Variants in NPTX1 observed in about 807,000 individuals in gnomAD.
NPTX1 encodes neuronal pentraxin 1.
A neutral mutation model predicts 38.7 loss-of-function variants in NPTX1; 12 were observed. The observed-to-expected ratio is 0.31, with a 90% CI of 0.20 to 0.50. The LOEUF is 0.50. Among genes scored for constraint, NPTX1 ranks in the 20% least tolerant of loss-of-function variants. The probability of loss-of-function intolerance (pLI) is 0.98; values close to 1 mark genes in which losing one functional copy is unlikely to be tolerated. For synonymous variants in NPTX1, 272 were observed against 264.9 expected (o/e 1.03, Z -0.26); for missense variants, 454 against 592.2 (o/e 0.77, Z 2.42).
chr17:80,476,333 G>A lies in NPTX1; in HGVS notation c.114C>T (p.Asp38=). ...CCACGGACGCGGCGCACATGTCGGC[G>A]TCCACGGGCACCGAGGTGCAGATGA... ...TRFICTSVPV[D]ADMCAASVAA... Residue 38 remains aspartate, a synonymous_variant, in exon 1 of 5, where the codon GAC becomes GAT. Transcript: ENST00000306773. The surrounding 1 kb of genome is among the most constrained non-coding windows in gnomAD (Gnocchi z 6.3). 9.1e-6 allele frequency: 14 copies of A among 1,541,132 alleles called. No individual in the cohort carries two copies. The highest frequency in any genetic ancestry group is 1.2e-5 in the Non-Finnish European group (14 of 1,149,840).
rs142815282 is a variant in NPTX1 at position 80,467,124 on chromosome 17, TG to T, written c.*3688del. The T allele has an allele frequency of 7.9e-6, 1 of 127,218 alleles. No homozygotes were observed. Among genetic ancestry groups the T allele is most frequent in the South Asian group, 2.6e-4 (1 of 3,894 alleles). 7.9% of individuals were successfully genotyped at this position (127,218 alleles called of 1,614,324 possible). The stretch of plus-strand genomic sequence containing the variant: ...ATAACAATATCAACCATAGGGGGTT[TG>T]CTTTTTTTTTTTTTTTTTTTTTGGC... On this transcript the variant is annotated 3_prime_UTR_variant, in exon 5 of 5. Coordinates refer to ENST00000306773, the MANE Select transcript of NPTX1 (RefSeq NM_002522.4).
Position 80,475,089 on chromosome 17 carries a change from G to A in NPTX1, c.652+422C>T, listed in dbSNP as rs992407939. Reference sequence around the variant, plus strand: ...CCTCAGCGGCCCGGGGAACGAGAGCGCCCAGCCCCAGCCTGCACCCAGCTG... The same window carrying A: ...CCTCAGCGGCCCGGGGAACGAGAGCACCCAGCCCCAGCCTGCACCCAGCTG... On this transcript the variant is annotated intron_variant, in intron 2 of 4. Transcript: ENST00000306773. This position sits in a 1 kb window ranked among gnomAD's most constrained non-coding sequence, Gnocchi z 6.5. Among the ~76,000 whole-genome samples, 8 of 152,214 alleles carry A rather than the reference G, an allele frequency of 5.3e-5. No homozygotes were observed. Among genetic ancestry groups the A allele is most frequent in the Admixed American group, 3.9e-4 (6 of 15,278 alleles).
chr17:80,473,535 G>A (rs773108781), intron 2 of NPTX1, 91 bp from the exon 3 acceptor site: 135 of 1,326,260 alleles, frequency 1.0e-4, no homozygotes, highest in Non-Finnish European at 1.3e-4. Flanking sequence ...TCTGTGATGC[G>A]TGGCCAGGGC....
chr17:80,471,031 T>C lies in NPTX1; in HGVS notation c.1081A>G (p.Thr361Ala). Residue 361 changes from threonine to alanine, a missense_variant, in exon 5 of 5, where the codon ACT becomes GCT. Physicochemically the swap from Thr to Ala is moderately conservative, Grantham distance 58. This residue lies in a region of NPTX1 where 110 missense variants were observed against 197.5 expected (regional missense o/e 0.56). Coordinates refer to ENST00000306773, the MANE Select transcript of NPTX1 (RefSeq NM_002522.4). ...GVLVLGQEQDTLGGGFDATQA... is the reference protein window; with the variant it reads ...GVLVLGQEQDALGGGFDATQA... ...GTGGCATCAAACCCACCACCCAGAGTGTCCTTCAGAGAAAAACAGAGGATG... is the reference window on the plus strand; with the variant it reads ...GTGGCATCAAACCCACCACCCAGAGCGTCCTTCAGAGAAAAACAGAGGATG... 1 of 1,598,192 alleles carries C rather than the reference T, an allele frequency of 6.3e-7. No homozygotes were observed. Among genetic ancestry groups the C allele is most frequent in the South Asian group, 1.1e-5 (1 of 89,446 alleles).
Position 80,471,807 on chromosome 17 carries a change from C to A in NPTX1, c.1002G>T (p.Gln334His), listed in dbSNP as rs2083843880. ...GCGCCAAGTTCTCGCCACTGCCACCCTGCGTGCCATCCTGGTAGGCCTCCC... is the reference window on the plus strand; with the variant it reads ...GCGCCAAGTTCTCGCCACTGCCACCATGCGTGCCATCCTGGTAGGCCTCCC... ...GVWEAYQDGT[Q>H]GGSGENLAPY... is the part of the protein sequence containing the mutation. Residue 334 changes from glutamine to histidine, a missense_variant, in exon 4 of 5, where the codon CAG becomes CAT. Gln to His is a conservative substitution (Grantham distance 24). Around this residue, in one of 4 missense-constraint regions of NPTX1, gnomAD observed 110 missense variants for 197.5 expected, o/e 0.56. Transcript: ENST00000306773. 1 of 1,613,486 alleles carries A rather than the reference C, an allele frequency of 6.2e-7. No homozygotes were observed. The highest frequency in any genetic ancestry group is 1.7e-5 in the Admixed American group (1 of 60,004).
chr17:80,475,356 G>A lies in NPTX1; in HGVS notation c.652+155C>T, dbSNP rs1271631730. The stretch of plus-strand genomic sequence containing the variant: ...CGACTAGAAGCCCAGAACCTGGGAA[G>A]GGGTGCGGGGAATGAGAAAGCGGTG... On this transcript the variant is annotated intron_variant, in intron 2 of 4. Coordinates refer to ENST00000306773, the MANE Select transcript of NPTX1 (RefSeq NM_002522.4). This position sits in a 1 kb window ranked among gnomAD's most constrained non-coding sequence, Gnocchi z 6.5. 1.3e-5 allele frequency among the ~76,000 whole-genome samples: 2 copies of A among 152,256 alleles called. No individual in the cohort carries two copies. The highest frequency in any genetic ancestry group is 2.9e-5 in the Non-Finnish European group (2 of 68,046).
chr17:80,471,048 CAG>C lies in NPTX1; in HGVS notation c.1078-16_1078-15del. ...ACCCAGAGTGTCCTTCAGAGAAAAACAGAGGATGAGAGTGGAGGGGTCGCCAG... is the reference window on the plus strand; with the variant it reads ...ACCCAGAGTGTCCTTCAGAGAAAAACAGGATGAGAGTGGAGGGGTCGCCAG... On this transcript the variant is annotated splice_polypyrimidine_tract_variant and intron_variant, in intron 4 of 4. Transcript: ENST00000306773. 1 of 1,581,716 alleles carries C rather than the reference CAG, an allele frequency of 6.3e-7. No individual in the cohort carries two copies. The highest frequency in any genetic ancestry group is 8.6e-7 in the Non-Finnish European group (1 of 1,158,720).
rs1178222981 is a variant in NPTX1 at position 80,475,932 on chromosome 17, G to C, written c.444+71C>G. ...GGGCGGGGGATGCCTGGCCGGGTAG[G>C]GAACGGGGTGGGGGAGGGCAGAGGG... is the stretch of plus-strand genomic sequence containing the variant. On this transcript the variant is annotated intron_variant, in intron 1 of 4. Coordinates refer to ENST00000306773, the MANE Select transcript of NPTX1 (RefSeq NM_002522.4). The surrounding 1 kb of genome is among the most constrained non-coding windows in gnomAD (Gnocchi z 6.5). The C allele has an allele frequency of 3.5e-5, 46 of 1,316,010 alleles. No homozygotes were observed. Among genetic ancestry groups the C allele is most frequent in the Non-Finnish European group, 4.8e-5 (46 of 948,750 alleles). 81.5% of individuals were successfully genotyped at this position (1,316,010 alleles called of 1,614,324 possible).
chr17:80,471,959 C>T (rs1181131608), intron 3 of NPTX1, 48 bp from the exon 4 acceptor site: 1 of 1,516,990 alleles, frequency 6.6e-7, no homozygotes, highest in Admixed American at 2.1e-5. Flanking sequence ...AGGGGTACAG[C>T]CCAGAAGCCA....
chr17:80,476,432 G>GCGGC lies in NPTX1; in HGVS notation c.11_14dup (p.Ala6ProfsTer168), dbSNP rs954188032. 1.5e-6 allele frequency: 2 copies of GCGGC among 1,343,336 alleles called. No homozygotes were observed. Among genetic ancestry groups the GCGGC allele is most frequent in the Non-Finnish European group, 1.9e-6 (2 of 1,054,470 alleles). 83.2% of individuals were successfully genotyped at this position (1,343,336 alleles called of 1,614,324 possible). A position where few individuals can be genotyped will look rare whatever the true frequency, so the allele number is the denominator to read the frequency against. On this transcript the variant is annotated frameshift_variant, in exon 1 of 5. Transcript: ENST00000306773. LOFTEE classifies it high-confidence loss of function. The surrounding 1 kb of genome is among the most constrained non-coding windows in gnomAD (Gnocchi z 6.3). The stretch of plus-strand genomic sequence containing the variant: ...CGAGCAGCGCACAGGTGCGCGCGGC[G>GCGGC]CGGCCGGCCGGCATGGCTGCGGGCA...
chr17:80,475,915 G>T lies in NPTX1; in HGVS notation c.444+88C>A, dbSNP rs1568276209. ...CCGCGCGGCTGAGGCGAGGGCGGGG[G>T]ATGCCTGGCCGGGTAGGGAACGGGG... On this transcript the variant is annotated intron_variant, in intron 1 of 4. Transcript: ENST00000306773. The surrounding 1 kb of genome is among the most constrained non-coding windows in gnomAD (Gnocchi z 6.5). 2 of 1,156,962 alleles carry T rather than the reference G, an allele frequency of 1.7e-6. No homozygotes were observed. The highest frequency in any genetic ancestry group is 1.2e-6 in the Non-Finnish European group (1 of 829,734). 71.7% of individuals were successfully genotyped at this position (1,156,962 alleles called of 1,614,324 possible). A position where few individuals can be genotyped will look rare whatever the true frequency, so the allele number is the denominator to read the frequency against.
At chr17:80,471,109 T>A (rs867923719) in intron 4 of NPTX1, 75 bp from the exon 5 acceptor site, 2 of 1,169,106 alleles carry the variant, frequency 1.7e-6, no homozygotes, top group Non-Finnish European at 2.4e-6. Context: ...GCCGGGGATC[T>A]GAGTGCCTCT....
Position 80,475,446 on chromosome 17 carries a change from G to T in NPTX1, c.652+65C>A, listed in dbSNP as rs982846889. On this transcript the variant is annotated intron_variant, in intron 2 of 4. Coordinates refer to ENST00000306773, the MANE Select transcript of NPTX1 (RefSeq NM_002522.4). This position sits in a 1 kb window ranked among gnomAD's most constrained non-coding sequence, Gnocchi z 6.5. ...GTGCAGAGCTGGGCTGTTAGGGATC[G>T]GGACCGAGGCAGGGTCGGGCAAGCA... The T allele has an allele frequency of 1.5e-6, 2 of 1,373,894 alleles. No homozygotes were observed. The highest frequency in any genetic ancestry group is 2.4e-5 in the East Asian group (1 of 42,368). The allele number at this position is 1,373,894 out of a possible 1,614,324, so 85.1% of individuals were successfully genotyped here.
chr17:80,469,244 G>T lies in NPTX1; in HGVS notation c.*1569C>A, dbSNP rs190420506. 1 of 152,464 alleles carries T rather than the reference G, an allele frequency of 6.6e-6. No individual in the cohort carries two copies. Among genetic ancestry groups the T allele is most frequent in the Non-Finnish European group, 1.5e-5 (1 of 68,046 alleles). 9.4% of individuals were successfully genotyped at this position (152,464 alleles called of 1,614,324 possible). On this transcript the variant is annotated 3_prime_UTR_variant, in exon 5 of 5. Transcript: ENST00000306773. ...GAATTTCTAGAAAGACTTGTCAGCG[G>T]TTTGCTGATGAGACTCCTGGAGACA...
rs202234399 is a variant in NPTX1 at position 80,476,142 on chromosome 17, G to A, written c.305C>T (p.Ala102Val). Residue 102 changes from alanine (A) to valine (V), a missense_variant, in exon 1 of 5, where the codon GCC becomes GTC. Physicochemically the swap from Ala to Val is moderately conservative, Grantham distance 64 (BLOSUM62 0). Coordinates refer to ENST00000306773, the MANE Select transcript of NPTX1 (RefSeq NM_002522.4). This position sits in a 1 kb window ranked among gnomAD's most constrained non-coding sequence, Gnocchi z 6.3. The part of the protein sequence containing the change: ...QSTLDPGAGE[A>V]RAGGGRKQPG... ...CTGCTTGCGGCCGCCGCCCGCCCGG[G>A]CCTCGCCGGCTCCGGGGTCCAGCGT... is the stretch of plus-strand genomic sequence containing the variant. 6.3e-7 allele frequency: 1 copy of A among 1,596,886 alleles called. No individual in the cohort carries two copies. Among genetic ancestry groups the A allele is most frequent in the Non-Finnish European group, 8.5e-7 (1 of 1,176,046 alleles).
rs1248340996 is a variant in NPTX1 at position 80,467,136 on chromosome 17, T to TA, written c.*3676_*3677insT. ...ACCATAGGGGGTTTGCTTTTTTTTT[T>TA]TTTTTTTTTTTGGCAAATGAGACAA... is the stretch of plus-strand genomic sequence containing the variant. On this transcript the variant is annotated 3_prime_UTR_variant, in exon 5 of 5. Coordinates refer to ENST00000306773, the MANE Select transcript of NPTX1 (RefSeq NM_002522.4). 1.4e-5 allele frequency: 2 copies of TA among 141,872 alleles called. No individual in the cohort carries two copies. The highest frequency in any genetic ancestry group is 3.1e-5 in the Non-Finnish European group (2 of 65,368). 8.8% of individuals were successfully genotyped at this position (141,872 alleles called of 1,614,324 possible).
intron 4 of NPTX1, among the ~76,000 whole-genome samples, chr17:80,471,515 T>A (rs2083841974): frequency 6.6e-6 from 1 of 152,228 alleles, no homozygotes; most frequent in African/African-American, 2.4e-5. Context: ...AAAGAAAGTG[T>A]TGCTGCAGCT....
In NPTX1 at chr17:80,470,379, T is replaced by G. The variant is rs531469959; in HGVS notation, c.*434A>C. On this transcript the variant is annotated 3_prime_UTR_variant, in exon 5 of 5. Coordinates refer to ENST00000306773, the MANE Select transcript of NPTX1 (RefSeq NM_002522.4). ...AAAGCACGCACGCAGCTAACAAAGT[T>G]GGCAAATATGAATTTTCATCATGAG... 4.5e-4 allele frequency: 70 copies of G among 154,884 alleles called. 1 individual carries two copies. The South Asian group carries it at 0.014, about 30-fold the overall frequency. 9.6% of individuals were successfully genotyped at this position (154,884 alleles called of 1,614,324 possible).
chr17:80,475,889 C>T lies in NPTX1; in HGVS notation c.444+114G>A. 7 of 949,450 alleles carry T rather than the reference C, an allele frequency of 7.4e-6. No homozygotes were observed. Among genetic ancestry groups the T allele is most frequent in the Non-Finnish European group, 1.0e-5 (7 of 686,720 alleles). The allele number at this position is 949,450 out of a possible 1,614,324, so 58.8% of individuals were successfully genotyped here. Reference sequence around the variant, plus strand: ...GGCGCGGGGAGGCACCGGCCGGGCACCCGCGCGGCTGAGGCGAGGGCGGGG... The same window carrying T: ...GGCGCGGGGAGGCACCGGCCGGGCATCCGCGCGGCTGAGGCGAGGGCGGGG... On this transcript the variant is annotated intron_variant, in intron 1 of 4. Coordinates refer to ENST00000306773, the MANE Select transcript of NPTX1 (RefSeq NM_002522.4). The surrounding 1 kb of genome is among the most constrained non-coding windows in gnomAD (Gnocchi z 6.5).
Sources: gnomAD v4.1 joint callset for allele counts (sites outside exome capture counted in the v4.1 genomes callset) on GRCh38, gnomAD v4.1.1 for gene constraint, gnomAD v4.1.1 regional missense constraint, Gnocchi (gnomAD v3.1) non-coding constraint, MANE v1.5 for transcripts, NCBI Gene and HGNC (gene_info 2026-07-23, HGNC 2026-07-21) for gene names.